Variants in OCA2 observed in about 807,000 individuals in gnomAD.
The protein encoded by OCA2 is OCA2 melanosomal transmembrane protein.
A neutral mutation model predicts 100.2 loss-of-function variants in OCA2; 77 were observed. That is an observed-to-expected ratio of 0.77 (90% CI 0.64 to 0.93). OCA2 has a LOEUF of 0.93. Among genes scored for constraint, OCA2 ranks in the 40% least tolerant of loss-of-function variants. The pLI, the probability that OCA2 is intolerant of heterozygous loss-of-function variation, is 0.00. For missense variants in OCA2, 1,062 were observed against 1,089.1 expected (o/e 0.98, Z 0.35); for synonymous variants, 432 against 439.2 (o/e 0.98, Z 0.21).
intron 9 of OCA2, among the ~76,000 whole-genome samples, chr15:27,991,341 T>A (rs974331163): frequency 5.3e-5 from 8 of 152,174 alleles, no homozygotes; most frequent in Non-Finnish European, 1.0e-4. Flanking sequence ...CTGATGCTCA[T>A]AACAACATTA....
rs775758635 is a variant in OCA2, at chr15:27,990,568, CA to C, written c.1116+7del. ...GGTAAGCCAGGGATTGGGACTGTGACAACTTACATCGCCAATCACAGCCAGT... is the reference window on the plus strand; with the variant it reads ...GGTAAGCCAGGGATTGGGACTGTGACACTTACATCGCCAATCACAGCCAGT... On this transcript the variant is annotated splice_region_variant and intron_variant, in intron 10 of 23. Transcript: ENST00000354638. The C allele has an allele frequency of 4.3e-6, 7 of 1,613,690 alleles. No individual in the cohort carries two copies. In the Admixed American group the frequency reaches 1.2e-4, roughly 27 times the overall value.
intron 23 of OCA2, among the ~76,000 whole-genome samples, chr15:27,799,709 C>T (rs2033508486): frequency 2.0e-5 from 3 of 151,272 alleles, no homozygotes; most frequent in African/African-American, 4.9e-5. Context: ...GGTGCCACTG[C>T]ACTCCAGCCT....
rs201791790 is a variant in OCA2 at position 28,027,980 on chromosome 15, G to T, written c.406C>A (p.Arg136=). 2 of 1,614,212 alleles carry T rather than the reference G, an allele frequency of 1.2e-6. No homozygotes were observed. Among genetic ancestry groups the T allele is most frequent in the Non-Finnish European group, 8.5e-7 (1 of 1,180,032 alleles). ...SWEDSSADWE[R]RYLLSREVSG... is the part of the protein sequence containing the mutation. ...ACCTCCCTGCTTAGCAGGTATCTTC[G>T]CTCCCAGTCAGCAGAGCTGTCTTCC... Residue 136 remains arginine, a synonymous_variant, in exon 4 of 24, where the codon CGA becomes AGA. Coordinates refer to ENST00000354638, the MANE Select transcript of OCA2 (RefSeq NM_000275.3).
chr15:28,061,741 A>G (rs1396399195), intron 2 of OCA2, among the ~76,000 whole-genome samples: 1 of 152,184 alleles, frequency 6.6e-6, no homozygotes, highest in Non-Finnish European at 1.5e-5. Context: ...TTTATAAGCT[A>G]CTCAGTTTAT....
At chr15:28,017,558 G>A (rs190467536) in intron 7 of OCA2, among the ~76,000 whole-genome samples, 63 of 152,268 alleles carry the variant, frequency 4.1e-4, no homozygotes, top group Non-Finnish European at 6.8e-4. Flanking sequence ...CAGGGCAGCC[G>A]GTTCAGAACA....
rs944975225 is a variant in OCA2, at chr15:27,795,777, C to A, written c.2433-40305G>T. 2.0e-5 allele frequency among the ~76,000 whole-genome samples: 3 copies of A among 152,214 alleles called. No individual in the cohort carries two copies. In the East Asian group the frequency reaches 5.8e-4, roughly 29 times the overall value. ...CCCCAACACACACTGCTCTACTCCCCACATGGGTCCAGAGCTGCCTTCTCT... is the reference window on the plus strand; with the variant it reads ...CCCCAACACACACTGCTCTACTCCCAACATGGGTCCAGAGCTGCCTTCTCT... On this transcript the variant is annotated intron_variant, in intron 23 of 23. Coordinates refer to ENST00000354638, the MANE Select transcript of OCA2 (RefSeq NM_000275.3).
intron 19 of OCA2, among the ~76,000 whole-genome samples, chr15:27,875,885 T>A (rs2151518666): frequency 6.6e-6 from 1 of 152,136 alleles, no homozygotes; most frequent in Admixed American, 6.5e-5. Context: ...CTTGCTAAAT[T>A]TATATATTAG....
intron 23 of OCA2, among the ~76,000 whole-genome samples, chr15:27,828,591 T>C (rs2034824780): frequency 6.6e-6 from 1 of 152,158 alleles, no homozygotes; most frequent in Admixed American, 6.5e-5. Context: ...TGAGTGTAGC[T>C]AGAGAGTCCC....
At chr15:28,068,086 C>T (rs910449498) in intron 2 of OCA2, among the ~76,000 whole-genome samples, 1 of 152,190 alleles carries the variant, frequency 6.6e-6, no homozygotes, top group African/African-American at 2.4e-5. Context: ...TTATGCCCTT[C>T]ATTGTCCTTC....
chr15:27,905,527 C>A (rs565269120), intron 19 of OCA2, among the ~76,000 whole-genome samples: 1 of 152,306 alleles, frequency 6.6e-6, no homozygotes, highest in Middle Eastern at 3.4e-3. Flanking sequence ...CTGGGAGGTG[C>A]TGTGAGAGGA....
At chr15:27,891,670 T>G (rs2037467305) in intron 19 of OCA2, among the ~76,000 whole-genome samples, 1 of 152,220 alleles carries the variant, frequency 6.6e-6, no homozygotes, top group Non-Finnish European at 1.5e-5. Context: ...TTTTGCTTTT[T>G]GGAAGTTTAT....
chr15:27,879,903 ATTT>A (rs368555133), intron 19 of OCA2, among the ~76,000 whole-genome samples: 2,365 of 151,908 alleles, frequency 0.016, 55 homozygotes, highest in African/African-American at 0.05. Context: ...TGCTTTTTAC[ATTT>A]TTGTCATGAA....
chr15:28,032,890 A>G (rs182501256), intron 2 of OCA2, among the ~76,000 whole-genome samples: 251 of 152,278 alleles, frequency 1.6e-3, no homozygotes, highest in African/African-American at 5.8e-3. Flanking sequence ...AGCAGTTCAC[A>G]TTTAAAATAT....
At chr15:27,879,785 C>T (rs1403056169) in intron 19 of OCA2, among the ~76,000 whole-genome samples, 1 of 152,130 alleles carries the variant, frequency 6.6e-6, no homozygotes, top group Non-Finnish European at 1.5e-5. Context: ...CAAAAATTTT[C>T]TCCCATTCTG....
At chr15:28,081,024 G>A (rs1047520653) in intron 2 of OCA2, among the ~76,000 whole-genome samples, 2 of 151,978 alleles carry the variant, frequency 1.3e-5, no homozygotes, top group Non-Finnish European at 2.9e-5. Flanking sequence ...ATATTCTCAC[G>A]ACAAGTGGGC....
intron 18 of OCA2, among the ~76,000 whole-genome samples, chr15:27,950,927 C>T (rs1472359277): frequency 6.6e-6 from 1 of 152,150 alleles, no homozygotes; most frequent in East Asian, 1.9e-4. Context: ...CTTAGCAGAG[C>T]TCACTTTTGA....
intron 17 of OCA2, among the ~76,000 whole-genome samples, chr15:27,954,076 T>A (rs1211846023): frequency 6.6e-6 from 1 of 151,804 alleles, no homozygotes; most frequent in Non-Finnish European, 1.5e-5. Flanking sequence ...TGAATGCCAT[T>A]ATTTCATTCC....
chr15:28,095,451 T>C (rs1489576813), intron 1 of OCA2, among the ~76,000 whole-genome samples: 1 of 152,092 alleles, frequency 6.6e-6, no homozygotes, highest in Non-Finnish European at 1.5e-5. Context: ...GCGCGGTGGC[T>C]CACACCTGTA....
chr15:28,053,013 G>A (rs2043564844), intron 2 of OCA2, among the ~76,000 whole-genome samples: 1 of 152,176 alleles, frequency 6.6e-6, no homozygotes, highest in Admixed American at 6.5e-5. Context: ...AATCTGAGGT[G>A]GGTCTTCAAG....
Sources: gnomAD v4.1 joint callset for allele counts (sites outside exome capture counted in the v4.1 genomes callset) on GRCh38, gnomAD v4.1.1 for gene constraint, MANE v1.5 for transcripts, NCBI Gene and HGNC (gene_info 2026-07-23, HGNC 2026-07-21) for gene names.